Variants in MAP4K2 observed in about 807,000 individuals in gnomAD.
The protein encoded by MAP4K2 is mitogen-activated protein kinase kinase kinase kinase 2.
Under a neutral mutation model 125.3 loss-of-function variants are expected in MAP4K2, and 85 were observed. The ratio of observed to expected loss-of-function variants is 0.68; its 90% CI spans 0.57 to 0.81. The LOEUF (loss-of-function observed/expected upper bound fraction) is 0.81, where lower values mean the gene tolerates loss of function less well. Ranked by LOEUF, MAP4K2 falls within the 40% of genes least tolerant of loss-of-function variation. MAP4K2 has a pLI of 0.00. For missense variants in MAP4K2, 923 were observed against 1,056.4 expected (o/e 0.87, Z 1.75); for synonymous variants, 479 against 445.1 (o/e 1.08, Z -0.96).
At chr11:64,801,919 A>G (rs1300769010) in intron 5 of MAP4K2, 147 bp downstream of exon 5, 3 of 1,137,342 alleles carry the variant, frequency 2.6e-6, no homozygotes, top group African/African-American at 3.1e-5. Context: ...TTCCGGCAAC[A>G]GGGCTGGGGC....
intron 29 of MAP4K2, 70 bp downstream of exon 29, chr11:64,790,118 C>G (rs920937961): frequency 1.3e-6 from 2 of 1,581,832 alleles, no homozygotes; most frequent in Non-Finnish European, 1.7e-6. Flanking sequence ...CTACCGCCAG[C>G]CCCAGGCCCC....
intron 12 of MAP4K2, 135 bp from the exon 13 acceptor site, chr11:64,799,818 C>G: frequency 4.3e-6 from 3 of 699,702 alleles, no homozygotes; most frequent in Non-Finnish European, 4.9e-6. Flanking sequence ...AAAATGGAAC[C>G]CCACTTCACA....
chr11:64,800,713 ACTAT>A, intron 10 of MAP4K2, 47 bp downstream of exon 10: 1 of 1,559,606 alleles, frequency 6.4e-7, no homozygotes, highest in Admixed American at 1.9e-5. Flanking sequence ...CTGTTTGTCC[ACTAT>A]GGGGCTGACA....
Position 64,789,723 on chromosome 11 carries a change from C to G in MAP4K2, c.2375+7G>C, listed in dbSNP as rs1267231796. The G allele has an allele frequency of 1.2e-6, 2 of 1,613,960 alleles. No individual in the cohort carries two copies. The highest frequency in any genetic ancestry group is 2.7e-5 in the African/African-American group (2 of 74,904). On this transcript the variant is annotated splice_region_variant and intron_variant, in intron 31 of 31. Coordinates refer to ENST00000294066, the MANE Select transcript of MAP4K2 (RefSeq NM_004579.5). Reference sequence around the variant, plus strand: ...TCTGAAGGGGAGGCTAGGGTACCACCGCCTACCTGTGGGCCCCAAGCACTC... The same window carrying G: ...TCTGAAGGGGAGGCTAGGGTACCACGGCCTACCTGTGGGCCCCAAGCACTC...
chr11:64,792,504 A>G, intron 24 of MAP4K2, 82 bp from the exon 25 acceptor site: 4 of 1,149,292 alleles, frequency 3.5e-6, no homozygotes, highest in South Asian at 1.3e-5. Flanking sequence ...GGTGGGCACT[A>G]TCAGCTTCCC....
chr11:64,796,033 C>G (rs556622004), intron 24 of MAP4K2, among the ~76,000 whole-genome samples: 1 of 152,216 alleles, frequency 6.6e-6, no homozygotes, highest in Non-Finnish European at 1.5e-5. Flanking sequence ...GCCCCACATC[C>G]GAACAACCAC....
At chr11:64,792,954 C>A (rs755441342) in intron 24 of MAP4K2, among the ~76,000 whole-genome samples, 1 of 152,208 alleles carries the variant, frequency 6.6e-6, no homozygotes, top group Non-Finnish European at 1.5e-5. Context: ...CAACGGCTCA[C>A]GCCTGTAATC....
Position 64,790,290 on chromosome 11 carries a change from A to G in MAP4K2, c.2162-16T>C. 1.2e-6 allele frequency: 2 copies of G among 1,614,058 alleles called. No homozygotes were observed. The highest frequency in any genetic ancestry group is 1.7e-6 in the Non-Finnish European group (2 of 1,179,928). ...CTCACACAGCCTGCACAGGGAAGGA[A>G]TTGGTGAGTGGGGACGGGGAGGCTC... On this transcript the variant is annotated splice_polypyrimidine_tract_variant and intron_variant, in intron 28 of 31. Coordinates refer to ENST00000294066, the MANE Select transcript of MAP4K2 (RefSeq NM_004579.5).
In MAP4K2 at chr11:64,800,946, C is replaced by A; in HGVS notation, c.616G>T (p.Glu206Ter). The A allele has an allele frequency of 6.2e-7, 1 of 1,614,056 alleles. No individual in the cohort carries two copies. The highest frequency in any genetic ancestry group is 8.5e-7 in the Non-Finnish European group (1 of 1,180,012). The change falls in exon 9 of 32, where the codon GAG (glutamate) becomes TAG (stop). Residue 206 changes from glutamate to a stop codon, truncating the protein, a stop_gained. Coordinates refer to ENST00000294066, the MANE Select transcript of MAP4K2 (RefSeq NM_004579.5). LOFTEE classifies it high-confidence loss of function. ...DVWALGITAI[E>*]LGELQPPLFH... ...AGAGGGGGCTGCAGCTCGCCCAGCTCAATGGCAGTGATGCCCAGGGCCCAG... is the reference window on the plus strand; with the variant it reads ...AGAGGGGGCTGCAGCTCGCCCAGCTAAATGGCAGTGATGCCCAGGGCCCAG...
chr11:64,796,701 A>C lies in MAP4K2; in HGVS notation c.1505T>G (p.Val502Gly). Residue 502 changes from valine to glycine, a missense_variant, in exon 22 of 32, where the codon GTG (valine) becomes GGG (glycine). Transcript: ENST00000294066. ...IHPVTRDQFLVVGAEEGIYTL... is the reference protein window; with the variant it reads ...IHPVTRDQFLGVGAEEGIYTL... The stretch of plus-strand genomic sequence containing the variant: ...GTAGATGCCTTCCTCGGCCCCTACC[A>C]CCAGGAACTGGTCTGCCAGTTTGGG... The C allele has an allele frequency of 6.2e-7, 1 of 1,613,412 alleles. No homozygotes were observed. The highest frequency in any genetic ancestry group is 8.5e-7 in the Non-Finnish European group (1 of 1,179,832).
rs758851237 is a variant in MAP4K2 at position 64,802,375 on chromosome 11, G to A, written c.310+44C>T. 7 of 1,486,624 alleles carry A rather than the reference G, an allele frequency of 4.7e-6. No homozygotes were observed. In the African/African-American group the frequency reaches 8.5e-5, roughly 18 times the overall value. The allele number at this position is 1,486,624 out of a possible 1,614,324, so 92.1% of individuals were successfully genotyped here. A position where few individuals can be genotyped will look rare whatever the true frequency, so the allele number is the denominator to read the frequency against. On this transcript the variant is annotated intron_variant, in intron 4 of 31. Transcript: ENST00000294066. ...TCTGGTACCCCAGTGGGGTAGGGGT[G>A]GGGGAAGGCTGGGGCCTGCTGGGGC...
rs71581724 is a variant in MAP4K2, at chr11:64,797,234, A to T, written c.1276+41T>A. 3,623 of 1,603,924 alleles carry T rather than the reference A, an allele frequency of 2.3e-3. 65 individuals carry two copies. The African/African-American group carries it at 0.04, about 18-fold the overall frequency. On this transcript the variant is annotated intron_variant, in intron 18 of 31. Transcript: ENST00000294066. ...GCTGTAATTTCCTGCTGTAGCCCCC[A>T]CCCTGGGGCTGCCTCCTGGCCTCCC...
Position 64,792,407 on chromosome 11 carries a change from G to T in MAP4K2, c.1767C>A (p.Ser589=). The part of the protein sequence containing the change: ...QRIIPRRFAL[S]TKIPDTKGCL... ...AGCCTTTGGTGTCAGGAATCTTGGT[G>T]GACAGAGCAAAGCGCCTGTAGGGGT... Residue 589 remains serine (S), a synonymous_variant, in exon 25 of 32, where the codon TCC becomes TCA. Coordinates refer to ENST00000294066, the MANE Select transcript of MAP4K2 (RefSeq NM_004579.5). 6.3e-7 allele frequency: 1 copy of T among 1,592,130 alleles called. No individual in the cohort carries two copies. The highest frequency in any genetic ancestry group is 2.3e-5 in the East Asian group (1 of 43,900).
Position 64,790,643 on chromosome 11 carries a change from G to A in MAP4K2, c.2093-181C>T, listed in dbSNP as rs570145308. On this transcript the variant is annotated intron_variant, in intron 27 of 31. Coordinates refer to ENST00000294066, the MANE Select transcript of MAP4K2 (RefSeq NM_004579.5). ...CTGGGAACTGAGGCTCTGAGAGGAT[G>A]AGTGACCCGTCCTAGGGCTCATGGG... is the stretch of plus-strand genomic sequence containing the variant. Among the ~76,000 whole-genome samples, 17 of 152,298 alleles carry A rather than the reference G, an allele frequency of 1.1e-4. No homozygotes were observed. The East Asian group carries it at 2.5e-3, about 22-fold the overall frequency.
intron 10 of MAP4K2, among the ~76,000 whole-genome samples, 161 bp from the exon 11 acceptor site, chr11:64,800,553 C>T (rs1340641458): frequency 1.3e-5 from 2 of 152,354 alleles, no homozygotes; most frequent in East Asian, 3.9e-4. Context: ...TGCCTTGCGA[C>T]ACAGCGGCTC....
In MAP4K2 at chr11:64,800,408, GC is replaced by G. The variant is rs776703926; in HGVS notation, c.726-17del. ...ATTCTGGGTCCTAGAAGGCACAAGA[GC>G]CCCCCAGCGCCAGATCCAGGTTAGC... On this transcript the variant is annotated splice_polypyrimidine_tract_variant and intron_variant, in intron 10 of 31. Coordinates refer to ENST00000294066, the MANE Select transcript of MAP4K2 (RefSeq NM_004579.5). 8.7e-6 allele frequency: 14 copies of G among 1,613,018 alleles called. 1 individual carries two copies. In the South Asian group the frequency reaches 1.5e-4, roughly 18 times the overall value.
rs1940196463 is a variant in MAP4K2, at chr11:64,786,326, T to C, written c.*3211A>G. On this transcript the variant is annotated 3_prime_UTR_variant, in exon 32 of 32. Transcript: ENST00000294066. ...TTGGATATGGTAAACCTAAGGAAAG[T>C]AAAGCTCAGCGAGCTGGGGTGGCTC... The C allele has an allele frequency of 6.6e-6, 1 of 152,192 alleles. No individual in the cohort carries two copies. Among genetic ancestry groups the C allele is most frequent in the Non-Finnish European group, 1.5e-5 (1 of 68,038 alleles). The allele number at this position is 152,192 out of a possible 1,614,324, so 9.4% of individuals were successfully genotyped here.
chr11:64,802,583 G>C lies in MAP4K2; in HGVS notation c.225C>G (p.Ala75=), dbSNP rs1388467182. 1 of 1,610,748 alleles carries C rather than the reference G, an allele frequency of 6.2e-7. No individual in the cohort carries two copies. Among genetic ancestry groups the C allele is most frequent in the East Asian group, 2.2e-5 (1 of 44,822 alleles). The change falls in exon 3 of 32, where the codon GCC becomes GCG. Residue 75 remains alanine (A), a synonymous_variant. Transcript: ENST00000294066. The part of the protein sequence containing the change: ...LRECRHPNVV[A]YIGSYLRNDR... The stretch of plus-strand genomic sequence containing the variant: ...CTCACCTGAGGTAGCTGCCAATGTA[G>C]GCCACCACATTGGGGTGGCGGCACT...
At chr11:64,799,136 A>AGGCT (rs1482474944) in intron 14 of MAP4K2, among the ~76,000 whole-genome samples, 1 of 152,198 alleles carries the variant, frequency 6.6e-6, no homozygotes, top group Non-Finnish European at 1.5e-5. Flanking sequence ...TGGGAAAACG[A>AGGCT]GGCTGAGCAG....
Sources: allele counts gnomAD v4.1 joint callset (sites outside exome capture counted in the v4.1 genomes callset), GRCh38; gene constraint gnomAD v4.1.1; transcripts MANE v1.5; gene names NCBI Gene and HGNC (gene_info 2026-07-23, HGNC 2026-07-21).